Variants in CDH13 observed in about 807,000 individuals in gnomAD.
CDH13 encodes cadherin-13.
A neutral mutation model predicts 63.8 loss-of-function variants in CDH13; 24 were observed. The ratio of observed to expected loss-of-function variants is 0.38; its 90% confidence interval spans 0.27 to 0.53. CDH13 has a LOEUF of 0.53. CDH13 is among the 20% of genes least tolerant of loss of function. The probability of loss-of-function intolerance (pLI) is 0.85; values close to 1 mark genes in which losing one functional copy is unlikely to be tolerated. For synonymous variants in CDH13, 503 were observed against 355.3 expected (o/e 1.42, Z -4.67); for missense variants, 1,049 against 903.1 (o/e 1.16, Z -2.07).
chr16:82,929,651 CAAAAAAA>C (rs71146097), intron 2 of CDH13, among the ~76,000 whole-genome samples: 19 of 44,276 alleles, frequency 4.3e-4, no homozygotes, highest in Admixed American at 1.3e-3. Context: ...GACTCCATCT[CAAAAAAA>C]AAAAAAAAAA....
chr16:83,728,348 T>TGTGTGTGTGTGG, intron 10 of CDH13, among the ~76,000 whole-genome samples: 1 of 148,076 alleles, frequency 6.8e-6, no homozygotes, highest in African/African-American at 2.4e-5. Context: ...TGTGCGTGTG[T>TGTGTGTGTGTGG]GTGTGTGTGT....
intron 3 of CDH13, among the ~76,000 whole-genome samples, chr16:83,057,601 AAG>A (rs1419062625): frequency 6.6e-6 from 1 of 151,840 alleles, no homozygotes; most frequent in East Asian, 1.9e-4. Flanking sequence ...AAAAAAAAAA[AAG>A]GCTCACCACT....
intron 11 of CDH13, among the ~76,000 whole-genome samples, chr16:83,778,673 TTA>T (rs1915289202): frequency 1.3e-5 from 2 of 152,114 alleles, no homozygotes; most frequent in African/African-American, 2.4e-5. Context: ...GGTCCAAAGA[TTA>T]TATGATGATT....
intron 2 of CDH13, among the ~76,000 whole-genome samples, chr16:82,980,798 C>T (rs77996141): frequency 0.024 from 3,605 of 152,278 alleles, 61 homozygotes; most frequent in South Asian, 0.033. Context: ...TTTTTCAACA[C>T]AGTCAAGAAA....
rs563886656 is a variant in CDH13 at position 82,753,898 on chromosome 16, T to C, written c.46-104464T>C. 5.5e-4 allele frequency among the ~76,000 whole-genome samples: 84 copies of C among 152,322 alleles called. 2 individuals carry two copies. Among genetic ancestry groups the C allele is most frequent in the Middle Eastern group, 6.8e-3 (2 of 294 alleles). ...GCCATCTGTCTTTCATCTTTTCATA[T>C]GTTAAAGTTCCATGAACTATTTCTT... is the stretch of plus-strand genomic sequence containing the variant. On this transcript the variant is annotated intron_variant, in intron 1 of 13. Coordinates refer to ENST00000567109, the MANE Select transcript of CDH13 (RefSeq NM_001257.5).
chr16:82,757,647 GTT>G (rs776039467), intron 1 of CDH13, among the ~76,000 whole-genome samples: 3 of 88,492 alleles, frequency 3.4e-5, no homozygotes. Context: ...CTTTTTTTTT[GTT>G]TTTTTTTTTT....
At chr16:83,793,352 C>A (rs1299157528) in intron 13 of CDH13, among the ~76,000 whole-genome samples, 1 of 152,174 alleles carries the variant, frequency 6.6e-6, no homozygotes, top group Non-Finnish European at 1.5e-5. Context: ...GCCAGAGCCT[C>A]TCCCAGCCAA....
intron 1 of CDH13, among the ~76,000 whole-genome samples, chr16:82,822,969 G>C (rs2038074028): frequency 6.6e-6 from 1 of 152,144 alleles, no homozygotes; most frequent in African/African-American, 2.4e-5. Context: ...TCATAGACCT[G>C]GGTGTGGAAC....
chr16:82,639,783 G>C (rs2150884572), intron 1 of CDH13, among the ~76,000 whole-genome samples: 1 of 152,312 alleles, frequency 6.6e-6, no homozygotes, highest in East Asian at 1.9e-4. Flanking sequence ...TATGTACCCA[G>C]CTCCATTTTC....
At position 82,977,482 on chromosome 16, in the gene CDH13, A is replaced by G. The variant is rs550499075; in HGVS notation, c.158-54528A>G. 2.6e-5 allele frequency among the ~76,000 whole-genome samples: 4 copies of G among 152,286 alleles called. No individual in the cohort carries two copies. The East Asian group carries it at 7.7e-4, about 29-fold the overall frequency. On this transcript the variant is annotated intron_variant, in intron 2 of 13. Coordinates refer to ENST00000567109, the MANE Select transcript of CDH13 (RefSeq NM_001257.5). The stretch of plus-strand genomic sequence containing the variant: ...GTAATTTAATTATGAGTGAGTTCTC[A>G]CGAGATGTGATGGTTTTATATGGGG...
At chr16:83,412,125 A>G (rs898321482) in intron 6 of CDH13, among the ~76,000 whole-genome samples, 2 of 152,184 alleles carry the variant, frequency 1.3e-5, no homozygotes, top group Non-Finnish European at 1.5e-5. Context: ...TGCTGAATGC[A>G]CCTATGCATG....
chr16:82,790,575 G>A (rs942871107), intron 1 of CDH13, among the ~76,000 whole-genome samples: 1 of 152,190 alleles, frequency 6.6e-6, no homozygotes, highest in Non-Finnish European at 1.5e-5. Flanking sequence ...GCGTCCCATA[G>A]TAGGGTAGTG....
At chr16:83,612,889 T>C (rs1345096926) in intron 8 of CDH13, among the ~76,000 whole-genome samples, 1 of 152,194 alleles carries the variant, frequency 6.6e-6, no homozygotes, top group Non-Finnish European at 1.5e-5. Flanking sequence ...TTACCCTTTG[T>C]ATTATTATTT....
chr16:83,163,906 A>ACAT (rs952665741), intron 4 of CDH13, among the ~76,000 whole-genome samples: 2 of 152,116 alleles, frequency 1.3e-5, no homozygotes, highest in African/African-American at 4.8e-5. Context: ...GTCGCTGTCA[A>ACAT]CATCATCATC....
intron 3 of CDH13, among the ~76,000 whole-genome samples, chr16:83,040,843 A>G (rs1917269273): frequency 6.6e-6 from 1 of 152,208 alleles, no homozygotes; most frequent in Non-Finnish European, 1.5e-5. Context: ...GCATTGTTAA[A>G]TCCAGACCTA....
At chr16:83,455,410 C>T (rs1446056558) in intron 6 of CDH13, among the ~76,000 whole-genome samples, 1 of 152,136 alleles carries the variant, frequency 6.6e-6, no homozygotes, top group African/African-American at 2.4e-5. Flanking sequence ...GGATGAGTCG[C>T]AGGTTCCATC....
chr16:82,743,491 T>G (rs548962616), intron 1 of CDH13, among the ~76,000 whole-genome samples: 2 of 152,328 alleles, frequency 1.3e-5, no homozygotes, highest in South Asian at 4.1e-4. Context: ...AATGGTGAGA[T>G]TACAGGCATT....
At position 83,540,334 on chromosome 16, in the gene CDH13, G is replaced by C. The variant is rs1053501762; in HGVS notation, c.960+53679G>C. The stretch of plus-strand genomic sequence containing the variant: ...AAACTGCGTCTGCTGCCCCGAAGGA[G>C]TGCTGAAGACAGTCACCCCCGATGC... On this transcript the variant is annotated intron_variant, in intron 7 of 13. Coordinates refer to ENST00000567109, the MANE Select transcript of CDH13 (RefSeq NM_001257.5). Among the ~76,000 whole-genome samples, 8 of 152,306 alleles carry C rather than the reference G, an allele frequency of 5.3e-5. 1 individual carries two copies. In the South Asian group the frequency reaches 1.7e-3, roughly 32 times the overall value.
At chr16:82,673,771 C>T (rs765257414) in intron 1 of CDH13, among the ~76,000 whole-genome samples, 1 of 152,194 alleles carries the variant, frequency 6.6e-6, no homozygotes, top group Non-Finnish European at 1.5e-5. Context: ...GATTGCTCCA[C>T]AACTTTACAG....
Sources: allele counts gnomAD v4.1 joint callset (sites outside exome capture counted in the v4.1 genomes callset), GRCh38; gene constraint gnomAD v4.1.1; transcripts MANE v1.5; gene names NCBI Gene and HGNC (gene_info 2026-07-23, HGNC 2026-07-21).